Variants in ATP8A2 observed in about 807,000 individuals in gnomAD.
The protein encoded by ATP8A2 is phospholipid-transporting ATPase IB.
ATP8A2 carries 100 observed loss-of-function variants against 165.6 expected under a neutral mutation model. The ratio of observed to expected loss-of-function variants is 0.60; its 90% CI spans 0.51 to 0.71. The LOEUF is 0.71. Among genes scored for constraint, ATP8A2 ranks in the 30% least tolerant of loss-of-function variants. The pLI is 0.00. For missense variants in ATP8A2, 1,227 were observed against 1,479.5 expected (o/e 0.83, Z 2.80); for synonymous variants, 543 against 548.8 (o/e 0.99, Z 0.15).
At chr13:25,812,318 A>G (rs1168561706) in intron 27 of ATP8A2, among the ~76,000 whole-genome samples, 1 of 149,370 alleles carries the variant, frequency 6.7e-6, no homozygotes, top group African/African-American at 2.5e-5. Context: ...TCCAGTCCCT[A>G]TCTGGACTGC....
chr13:25,601,762 G>A (rs1195629779), intron 24 of ATP8A2, among the ~76,000 whole-genome samples: 11 of 152,180 alleles, frequency 7.2e-5, no homozygotes, highest in Non-Finnish European at 1.5e-4. Flanking sequence ...GAGCCACTGC[G>A]CCCGGCCAGA....
At chr13:25,376,920 T>G (rs1221512652) in intron 1 of ATP8A2, among the ~76,000 whole-genome samples, 1 of 152,194 alleles carries the variant, frequency 6.6e-6, no homozygotes, top group African/African-American at 2.4e-5. Context: ...GGACAGAGTG[T>G]TCATCCTGTA....
At chr13:25,504,188 T>C (rs910714320) in intron 2 of ATP8A2, among the ~76,000 whole-genome samples, 6 of 152,202 alleles carry the variant, frequency 3.9e-5, no homozygotes, top group African/African-American at 1.4e-4. Context: ...AGTTTTGCAT[T>C]GAATACCGTC....
intron 25 of ATP8A2, among the ~76,000 whole-genome samples, chr13:25,734,932 C>T (rs1593267945): frequency 2.0e-5 from 3 of 152,260 alleles, no homozygotes; most frequent in South Asian, 4.2e-4. Context: ...AGCTACCATG[C>T]CTGGCCGTGA....
rs566456952 is a variant in ATP8A2, at chr13:25,774,881, T to C, written c.2601T>C (p.His867=). ...ACTTAGAGAAGCTTCTGTTGGTTCA[T>C]GGAGCCTGGAGCTACAACCGGGTGA... ...FSYLEKLLLV[H]GAWSYNRVTK... The change falls in exon 27 of 37, where the codon CAT becomes CAC. Residue 867 remains histidine, a synonymous_variant. Coordinates refer to ENST00000381655, the MANE Select transcript of ATP8A2 (RefSeq NM_016529.6). 6.2e-7 allele frequency: 1 copy of C among 1,613,766 alleles called. No homozygotes were observed. The highest frequency in any genetic ancestry group is 1.3e-5 in the African/African-American group (1 of 75,050).
At chr13:25,522,033 T>C (rs2037688079) in intron 2 of ATP8A2, among the ~76,000 whole-genome samples, 1 of 151,098 alleles carries the variant, frequency 6.6e-6, no homozygotes, top group Non-Finnish European at 1.5e-5. Flanking sequence ...TTATAGGGAT[T>C]ATATTGAATC....
intron 28 of ATP8A2, among the ~76,000 whole-genome samples, chr13:25,832,560 C>A (rs1951507038): frequency 6.6e-6 from 1 of 152,154 alleles, no homozygotes; most frequent in Non-Finnish European, 1.5e-5. Flanking sequence ...AATTAAATAT[C>A]TTTCTAAATA....
chr13:25,541,140 C>T (rs2038463257), intron 8 of ATP8A2, among the ~76,000 whole-genome samples: 1 of 152,108 alleles, frequency 6.6e-6, no homozygotes, highest in Non-Finnish European at 1.5e-5. Flanking sequence ...GCTGGGATTA[C>T]AGGCATGAGA....
chr13:25,649,001 C>A (rs745339092), intron 24 of ATP8A2: 1 of 505,190 alleles, frequency 2.0e-6, no homozygotes, highest in South Asian at 1.4e-5. Flanking sequence ...TTTTATTGAT[C>A]TCCCTTTCAT....
Position 25,553,814 on chromosome 13 carries a change from G to T in ATP8A2, c.1079G>T (p.Gly360Val). Residue 360 changes from glycine to valine, a missense_variant, in exon 12 of 37, where the codon GGA (glycine) becomes GTA (valine). Coordinates refer to ENST00000381655, the MANE Select transcript of ATP8A2 (RefSeq NM_016529.6). ...KKMDTTSDNFGYNLLTFIILY... is the reference protein window; with the variant it reads ...KKMDTTSDNFVYNLLTFIILY... Reference sequence around the variant, plus strand: ...ACAGACACCACCTCAGATAATTTTGGATACAACCTACTGACGTTCATCATC... The same window carrying T: ...ACAGACACCACCTCAGATAATTTTGTATACAACCTACTGACGTTCATCATC... The T allele has an allele frequency of 3.1e-6, 5 of 1,613,488 alleles. No homozygotes were observed. The highest frequency in any genetic ancestry group is 4.2e-6 in the Non-Finnish European group (5 of 1,179,770).
chr13:25,771,043 T>A (rs1338512128), intron 26 of ATP8A2, among the ~76,000 whole-genome samples: 9 of 152,248 alleles, frequency 5.9e-5, no homozygotes, highest in Admixed American at 5.2e-4. Flanking sequence ...AGCTCACAGT[T>A]CTGCAGATGC....
chr13:25,571,606 A>C lies in ATP8A2; in HGVS notation c.1580-4A>C, dbSNP rs1186347853. 3 of 1,611,616 alleles carry C rather than the reference A, an allele frequency of 1.9e-6. No individual in the cohort carries two copies. Among genetic ancestry groups the C allele is most frequent in the Non-Finnish European group, 1.7e-6 (2 of 1,178,628 alleles). ...TCAATGTTTCACCAACTCCCACTTG[A>C]CAGATGAAGCTGCTTTGGTGAAAGG... On this transcript the variant is annotated splice_polypyrimidine_tract_variant and splice_region_variant and intron_variant, in intron 17 of 36. Transcript: ENST00000381655.
At chr13:25,425,569 G>T (rs1593289639) in intron 1 of ATP8A2, among the ~76,000 whole-genome samples, 1 of 105,804 alleles carries the variant, frequency 9.5e-6, no homozygotes. Flanking sequence ...TTTTCAGATT[G>T]GCTTCTTTCT....
At chr13:25,696,153 A>G (rs548633599) in intron 24 of ATP8A2, among the ~76,000 whole-genome samples, 1 of 152,318 alleles carries the variant, frequency 6.6e-6, no homozygotes, top group African/African-American at 2.4e-5. Flanking sequence ...GAGCAGTAAT[A>G]TTTTGAAAGG....
intron 30 of ATP8A2, among the ~76,000 whole-genome samples, chr13:25,841,059 G>A (rs1951738708): frequency 6.6e-6 from 1 of 152,210 alleles, no homozygotes; most frequent in South Asian, 2.1e-4. Context: ...AGGAACTAGT[G>A]TGGCTGTTCT....
At chr13:25,578,793 A>G (rs778416729) in intron 20 of ATP8A2, 22 bp from the exon 21 acceptor site, 1 of 1,396,004 alleles carries the variant, frequency 7.2e-7, no homozygotes, top group South Asian at 1.2e-5. Context: ...TTTGCCAGTC[A>G]CAATGTTTCC....
intron 35 of ATP8A2, among the ~76,000 whole-genome samples, chr13:25,976,866 G>T (rs948027145): frequency 6.6e-6 from 1 of 152,140 alleles, no homozygotes; most frequent in African/African-American, 2.4e-5. Flanking sequence ...TCAGCTCGCT[G>T]CAACCTCTGC....
intron 11 of ATP8A2, 71 bp from the exon 12 acceptor site, chr13:25,553,722 C>A: frequency 6.8e-7 from 1 of 1,480,698 alleles, no homozygotes; most frequent in Non-Finnish European, 9.2e-7. Context: ...ACTATTTTAA[C>A]ATGAATCTCT....
At chr13:25,647,074 C>T (rs901439619) in intron 24 of ATP8A2, among the ~76,000 whole-genome samples, 6 of 152,204 alleles carry the variant, frequency 3.9e-5, no homozygotes, top group South Asian at 2.1e-4. Flanking sequence ...TGTATTCCTT[C>T]GTAATTTATT....
Sources: allele counts gnomAD v4.1 joint callset (sites outside exome capture counted in the v4.1 genomes callset), GRCh38; gene constraint gnomAD v4.1.1; transcripts MANE v1.5; gene names NCBI Gene and HGNC (gene_info 2026-07-23, HGNC 2026-07-21).